The following CACNA1C variants were observed in gnomAD, a reference collection of about 807,000 sequenced individuals.
CACNA1C encodes voltage-dependent L-type calcium channel subunit alpha-1C.
Under a neutral mutation model 229.0 loss-of-function variants are expected in CACNA1C, and 30 were observed. That is an observed-to-expected ratio of 0.13 (90% CI 0.10 to 0.18). The LOEUF (loss-of-function observed/expected upper bound fraction) is 0.18. Among genes scored for constraint, CACNA1C ranks in the 10% least tolerant of loss-of-function variants. The probability of loss-of-function intolerance (pLI) is 1.00; values close to 1 mark genes in which losing one functional copy is unlikely to be tolerated. For missense variants in CACNA1C, 1,658 were observed against 2,845.0 expected, an observed-to-expected ratio of 0.58 and a Z score of 9.49; for synonymous variants, 1,114 against 1,132.5, an observed-to-expected ratio of 0.98 and a Z score of 0.33.
intron 9 of CACNA1C, among the ~76,000 whole-genome samples, chr12:2,521,237 G>A (rs61909404): frequency 6.6e-6 from 1 of 152,246 alleles, no homozygotes; most frequent in African/African-American, 2.4e-5. Flanking sequence ...AACAGAGGCT[G>A]TGTGGAGGGG....
chr12:2,597,407 G>A lies in CACNA1C; in HGVS notation c.2853+118G>A, dbSNP rs1265296535. ...TGTTGGTGTGGGGTTCACTCTCAGA[G>A]CCACTAATCCAATTATGCTTATTTT... On this transcript the variant is annotated intron_variant, in intron 21 of 46. Transcript: ENST00000399655. The surrounding 1 kb of genome is among the most constrained non-coding windows in gnomAD (Gnocchi z 4.3). 6.3e-7 allele frequency: 1 copy of A among 1,575,220 alleles called. No individual in the cohort carries two copies. The highest frequency in any genetic ancestry group is 1.7e-5 in the Admixed American group (1 of 59,968).
Position 2,029,064 on chromosome 12 carries a change from T to C in CACNA1C, c.139+57863T>C, listed in dbSNP as rs183887704. On this transcript the variant is annotated intron_variant, in intron 1 of 46. Coordinates refer to the CACNA1C transcript ENST00000682462. The surrounding 1 kb of genome is among the most constrained non-coding windows in gnomAD (Gnocchi z 4.9). ...TAATAGGATCATAGACCATTTGGAC[T>C]GGAGGCATGTCTTATGTTACAAGTA... Among the ~76,000 whole-genome samples the C allele has an allele frequency of 4.6e-3, 702 of 152,246 alleles. 4 individuals are homozygous for C. Among genetic ancestry groups the C allele is most frequent in the African/African-American group, 0.016 (677 of 41,540 alleles).
At chr12:2,113,652 A>G (rs1037661710) in intron 1 of CACNA1C, among the ~76,000 whole-genome samples, 1 of 152,168 alleles carries the variant, frequency 6.6e-6, no homozygotes, top group Non-Finnish European at 1.5e-5. Flanking sequence ...CACCGCCCAC[A>G]GTAGCACCCT....
At position 2,004,374 on chromosome 12, in the gene CACNA1C, C is replaced by T. The variant is rs769127917; in HGVS notation, c.139+33173C>T. On this transcript the variant is annotated intron_variant, in intron 1 of 46. Coordinates refer to the CACNA1C transcript ENST00000682462. ...ATATAGGGGTCGTGGCGCTGCAGGGCCGCTAGGCTGATGTCGCGCCCCTTT... is the reference window on the plus strand; with the variant it reads ...ATATAGGGGTCGTGGCGCTGCAGGGTCGCTAGGCTGATGTCGCGCCCCTTT... The T allele has an allele frequency of 2.5e-6, 4 of 1,612,802 alleles. No homozygotes were observed. The South Asian group carries it at 4.4e-5, about 18-fold the overall frequency.
At chr12:2,307,818 C>T (rs1855055820) in intron 3 of CACNA1C, among the ~76,000 whole-genome samples, 1 of 152,162 alleles carries the variant, frequency 6.6e-6, no homozygotes, top group African/African-American at 2.4e-5. Context: ...CCTTCAATTC[C>T]AAAAGGCAAT....
intron 3 of CACNA1C, among the ~76,000 whole-genome samples, chr12:2,360,549 G>A (rs1567235367): frequency 6.6e-6 from 1 of 152,218 alleles, no homozygotes; most frequent in Admixed American, 6.5e-5. Flanking sequence ...ACAGTTCTGT[G>A]GAGTTTTCCA....
rs1203556661 is a variant in CACNA1C at position 2,608,882 on chromosome 12, A to T, written c.3558+170A>T. Among the ~76,000 whole-genome samples the T allele has an allele frequency of 6.6e-6, 1 of 152,256 alleles. No individual in the cohort carries two copies. Among genetic ancestry groups the T allele is most frequent in the Non-Finnish European group, 1.5e-5 (1 of 68,048 alleles). On this transcript the variant is annotated intron_variant, in intron 27 of 46. Transcript: ENST00000399655. This position sits in a 1 kb window ranked among gnomAD's most constrained non-coding sequence, Gnocchi z 4.2. ...AGTCTTTTTGAGGGACCTGTGCAAAAGAAATGCAAATTCCTGCAAACCCCA... is the reference window on the plus strand; with the variant it reads ...AGTCTTTTTGAGGGACCTGTGCAAATGAAATGCAAATTCCTGCAAACCCCA...
intron 1 of CACNA1C, among the ~76,000 whole-genome samples, chr12:2,063,806 C>G (rs572923144): frequency 6.6e-6 from 1 of 152,194 alleles, no homozygotes; most frequent in Non-Finnish European, 1.5e-5. Context: ...TGGACACTTG[C>G]GTTTTCACCT....
chr12:2,528,036 G>A (rs2099826544), intron 9 of CACNA1C, among the ~76,000 whole-genome samples: 1 of 152,118 alleles, frequency 6.6e-6, no homozygotes, highest in African/African-American at 2.4e-5. Flanking sequence ...AATCTATTAA[G>A]TCCTACCCCT....
At chr12:2,560,549 A>G (rs2046888812) in intron 11 of CACNA1C, among the ~76,000 whole-genome samples, 1 of 152,220 alleles carries the variant, frequency 6.6e-6, no homozygotes, top group Admixed American at 6.5e-5. Context: ...AACAGTTATG[A>G]AACAAATGAT....
intron 1 of CACNA1C, among the ~76,000 whole-genome samples, chr12:2,101,205 C>G (rs991955691): frequency 1.3e-5 from 2 of 152,254 alleles, no homozygotes; most frequent in South Asian, 2.1e-4. Context: ...TGACGGGCTT[C>G]TAGGTTGTCT....
intron 3 of CACNA1C, among the ~76,000 whole-genome samples, chr12:2,277,774 A>C (rs2089448754): frequency 6.6e-6 from 1 of 151,972 alleles, no homozygotes; most frequent in South Asian, 2.1e-4. Context: ...TCTCCCTCCC[A>C]CCATAACCGC....
intron 3 of CACNA1C, among the ~76,000 whole-genome samples, chr12:2,209,575 A>G (rs912659448): frequency 6.6e-6 from 1 of 152,220 alleles, no homozygotes; most frequent in African/African-American, 2.4e-5. Flanking sequence ...TTACCCAAGA[A>G]TAAAGAATCC....
In CACNA1C at chr12:2,630,962, G is replaced by A. The variant is rs1044897031; in HGVS notation, c.3829-3335G>A. 6.6e-6 allele frequency among the ~76,000 whole-genome samples: 1 copy of A among 152,130 alleles called. No homozygotes were observed. Among genetic ancestry groups the A allele is most frequent in the Admixed American group, 6.5e-5 (1 of 15,282 alleles). On this transcript the variant is annotated intron_variant, in intron 29 of 46. Coordinates refer to ENST00000399655, the MANE Select transcript of CACNA1C (RefSeq NM_000719.7). The surrounding 1 kb of genome is among the most constrained non-coding windows in gnomAD (Gnocchi z 5.4). ...CCATGGTCAAGAAAGAGGGGGCTGT[G>A]CCTTCTGTCTGCACATATACAAAGA...
intron 3 of CACNA1C, among the ~76,000 whole-genome samples, chr12:2,195,854 A>C (rs2097384608): frequency 6.6e-6 from 1 of 152,202 alleles, no homozygotes; most frequent in Non-Finnish European, 1.5e-5. Flanking sequence ...CACAGTGACC[A>C]CTTAGTCCAC....
At chr12:2,247,920 G>T (rs2074054906) in intron 3 of CACNA1C, among the ~76,000 whole-genome samples, 1 of 152,150 alleles carries the variant, frequency 6.6e-6, no homozygotes, top group Non-Finnish European at 1.5e-5. Flanking sequence ...TGCAGAGGGG[G>T]GACAGGTGGC....
intron 3 of CACNA1C, among the ~76,000 whole-genome samples, chr12:2,447,396 G>A (rs564015650): frequency 3.5e-4 from 53 of 152,274 alleles, no homozygotes; most frequent in African/African-American, 1.3e-3. Context: ...TTCCCACGCC[G>A]CGGCGTGATC....
chr12:2,671,860 G>GC (rs1388092851), intron 38 of CACNA1C, among the ~76,000 whole-genome samples: 1 of 150,334 alleles, frequency 6.7e-6, no homozygotes, highest in East Asian at 1.9e-4. Context: ...GGCCCGAAAC[G>GC]CCCCCACCCA....
intron 1 of CACNA1C, among the ~76,000 whole-genome samples, chr12:1,980,324 C>T (rs1592995827): frequency 6.6e-6 from 1 of 152,154 alleles, no homozygotes; most frequent in African/African-American, 2.4e-5. Context: ...TTCAAAGTAC[C>T]TGAGGAATCA....
Sources: allele counts gnomAD v4.1 joint callset (sites outside exome capture counted in the v4.1 genomes callset), GRCh38; gene constraint gnomAD v4.1.1; non-coding constraint Gnocchi (gnomAD v3.1); transcripts MANE v1.5; gene names NCBI Gene and HGNC (gene_info 2026-07-23, HGNC 2026-07-21).